Variants in KCTD8 observed in about 807,000 individuals in gnomAD.
KCTD8 encodes potassium channel tetramerization domain containing 8, also known as BTB/POZ domain-containing protein KCTD8.
In KCTD8, 27 loss-of-function variants were observed where a neutral mutation model predicts 31.5. That is an observed-to-expected ratio of 0.86 (90% CI 0.63 to 1.18). The LOEUF (loss-of-function observed/expected upper bound fraction) is 1.18, where lower values mean the gene tolerates loss of function less well. KCTD8 is among the 50% of genes most tolerant of loss of function. The pLI, the probability that KCTD8 is intolerant of heterozygous loss-of-function variation, is 0.00. For synonymous variants in KCTD8, 290 were observed against 280.0 expected (o/e 1.04, Z -0.36); for missense variants, 658 against 647.7 (o/e 1.02, Z -0.17).
At chr4:44,285,887 T>C (rs1437959464) in intron 1 of KCTD8, among the ~76,000 whole-genome samples, 1 of 152,132 alleles carries the variant, frequency 6.6e-6, no homozygotes, top group African/African-American at 2.4e-5. Context: ...ACATTCTATA[T>C]GCCATTAGGA....
chr4:44,362,519 G>A lies in KCTD8; in HGVS notation c.961+85044C>T, dbSNP rs184937615. ...TAATATGAGCAGGGTAGCATTTGTG[G>A]AAGATCAAATAGTGTTGTAGAATGT... On this transcript the variant is annotated intron_variant, in intron 1 of 1. Transcript: ENST00000360029. Among the ~76,000 whole-genome samples, 29 of 152,206 alleles carry A rather than the reference G, an allele frequency of 1.9e-4. 1 individual carries two copies. The highest frequency in any genetic ancestry group is 1.8e-3 in the Admixed American group (28 of 15,256).
intron 1 of KCTD8, among the ~76,000 whole-genome samples, chr4:44,359,113 G>T (rs1431063631): frequency 6.6e-6 from 1 of 152,118 alleles, no homozygotes; most frequent in Non-Finnish European, 1.5e-5. Flanking sequence ...TCTATAGGTT[G>T]CCTGTTCACT....
rs1367653208 is a variant in KCTD8, at chr4:44,323,087, A to G, written c.961+124476T>C. The stretch of plus-strand genomic sequence containing the variant: ...TTTTTGAGGTCTTTTGTTGTTGCAT[A>G]CAAATTTTAAGATGACCTTTTTCTA... On this transcript the variant is annotated intron_variant, in intron 1 of 1. Coordinates refer to ENST00000360029, the MANE Select transcript of KCTD8 (RefSeq NM_198353.3). Among the ~76,000 whole-genome samples, 3 of 152,054 alleles carry G rather than the reference A, an allele frequency of 2.0e-5. 1 individual carries two copies. The highest frequency in any genetic ancestry group is 7.3e-5 in the African/African-American group (3 of 41,316).
At chr4:44,235,576 T>TATATATA (rs1560402134) in intron 1 of KCTD8, among the ~76,000 whole-genome samples, 57 of 56,830 alleles carry the variant, frequency 1.0e-3, no homozygotes, top group Admixed American at 1.6e-3. Flanking sequence ...TATATATATA[T>TATATATA]TTAGAGAGAG....
intron 1 of KCTD8, among the ~76,000 whole-genome samples, chr4:44,407,452 T>C (rs1243851201): frequency 4.0e-5 from 6 of 151,582 alleles, no homozygotes; most frequent in Non-Finnish European, 8.8e-5. Flanking sequence ...AATAGTGCGA[T>C]CTCGGCTCAC....
intron 1 of KCTD8, among the ~76,000 whole-genome samples, chr4:44,207,423 T>C (rs757747194): frequency 6.6e-6 from 1 of 152,180 alleles, no homozygotes. Flanking sequence ...CATTTTACGT[T>C]TCTTGTTCAT....
intron 1 of KCTD8, among the ~76,000 whole-genome samples, chr4:44,331,504 G>C (rs1718589936): frequency 6.6e-6 from 1 of 151,618 alleles, no homozygotes; most frequent in East Asian, 1.9e-4. Flanking sequence ...TCATAGATAG[G>C]TTGTTAACAA....
intron 1 of KCTD8, among the ~76,000 whole-genome samples, chr4:44,205,473 G>A (rs1389110432): frequency 6.6e-6 from 1 of 152,142 alleles, no homozygotes; most frequent in African/African-American, 2.4e-5. Context: ...ATATATGCTG[G>A]ATGAAATAAA....
chr4:44,442,155 G>A (rs1721825406), intron 1 of KCTD8, among the ~76,000 whole-genome samples: 1 of 142,678 alleles, frequency 7.0e-6, no homozygotes, highest in Non-Finnish European at 1.5e-5. Flanking sequence ...ACTTACTAGT[G>A]GTGCTGATTA....
At chr4:44,407,264 C>A (rs1404284076) in intron 1 of KCTD8, among the ~76,000 whole-genome samples, 2 of 152,116 alleles carry the variant, frequency 1.3e-5, no homozygotes, top group Non-Finnish European at 2.9e-5. Context: ...TTATTAATGT[C>A]TAGTTCTCAT....
intron 1 of KCTD8, among the ~76,000 whole-genome samples, chr4:44,210,509 C>G (rs952602048): frequency 1.3e-5 from 2 of 152,122 alleles, no homozygotes; most frequent in Admixed American, 1.3e-4. Context: ...ACTGTTATTT[C>G]ATTCTTTTTG....
At chr4:44,430,858 C>T (rs1007573715) in intron 1 of KCTD8, among the ~76,000 whole-genome samples, 6 of 151,576 alleles carry the variant, frequency 4.0e-5, no homozygotes, top group African/African-American at 1.5e-4. Flanking sequence ...CTCCACCTCC[C>T]CACCTCCCTT....
At chr4:44,445,248 T>G (rs1721911448) in intron 1 of KCTD8, among the ~76,000 whole-genome samples, 1 of 152,174 alleles carries the variant, frequency 6.6e-6, no homozygotes, top group Non-Finnish European at 1.5e-5. Flanking sequence ...TGTATTCTAG[T>G]ACTCAAGACA....
chr4:44,178,126 T>G (rs1244301145), intron 1 of KCTD8, among the ~76,000 whole-genome samples: 1 of 152,222 alleles, frequency 6.6e-6, no homozygotes, highest in Non-Finnish European at 1.5e-5. Flanking sequence ...AACAAGATAC[T>G]TAGCTCCTCT....
chr4:44,209,086 A>C (rs1202416793), intron 1 of KCTD8, among the ~76,000 whole-genome samples: 1 of 152,172 alleles, frequency 6.6e-6, no homozygotes, highest in Non-Finnish European at 1.5e-5. Flanking sequence ...AAAAATAAAA[A>C]TGCATTGATC....
intron 1 of KCTD8, among the ~76,000 whole-genome samples, chr4:44,281,398 C>G (rs3103521): frequency 1.3e-5 from 2 of 152,060 alleles, no homozygotes; most frequent in African/African-American, 4.8e-5. Flanking sequence ...AAATACATGT[C>G]CTGCTTTCTC....
chr4:44,301,369 C>A (rs1717615915), intron 1 of KCTD8, among the ~76,000 whole-genome samples: 1 of 152,154 alleles, frequency 6.6e-6, no homozygotes, highest in African/African-American at 2.4e-5. Context: ...CACATCCTCT[C>A]CAGCACCTGT....
intron 1 of KCTD8, among the ~76,000 whole-genome samples, chr4:44,313,071 T>A (rs1718001097): frequency 6.6e-6 from 1 of 152,200 alleles, no homozygotes; most frequent in Non-Finnish European, 1.5e-5. Flanking sequence ...AGTAGGTAAC[T>A]TTCCTGGAAC....
At chr4:44,300,043 C>G (rs933809316) in intron 1 of KCTD8, among the ~76,000 whole-genome samples, 1 of 151,942 alleles carries the variant, frequency 6.6e-6, no homozygotes, top group Non-Finnish European at 1.5e-5. Flanking sequence ...AGCCACCGCA[C>G]TCGGCCGCCT....
Sources: allele counts gnomAD v4.1 joint callset (sites outside exome capture counted in the v4.1 genomes callset), GRCh38; gene constraint gnomAD v4.1.1; transcripts MANE v1.5; gene names NCBI Gene and HGNC (gene_info 2026-07-23, HGNC 2026-07-21).